Variants in SLC44A2 observed in about 807,000 individuals in gnomAD.
SLC44A2 encodes choline transporter-like protein 2.
Under a neutral mutation model 90.8 loss-of-function variants are expected in SLC44A2, and 57 were observed. The ratio of observed to expected loss-of-function variants is 0.63; its 90% CI spans 0.51 to 0.78. SLC44A2 has a LOEUF of 0.78. Among genes scored for constraint, SLC44A2 ranks in the 30% least tolerant of loss-of-function variants. The pLI, the probability that SLC44A2 is intolerant of heterozygous loss-of-function variation, is 0.00. For synonymous variants in SLC44A2, 355 were observed against 360.7 expected (o/e 0.98, Z 0.18); for missense variants, 794 against 919.7 (o/e 0.86, Z 1.77).
chr19:10,613,422 T>G (rs1237131839), intron 1 of SLC44A2, among the ~76,000 whole-genome samples: 1 of 152,044 alleles, frequency 6.6e-6, no homozygotes, highest in African/African-American at 2.4e-5. Context: ...GCTAATTTTT[T>G]GTATTTTTAG....
intron 1 of SLC44A2, among the ~76,000 whole-genome samples, chr19:10,617,265 AGTTCCCATCC>A (rs1471919433): frequency 1.3e-5 from 2 of 152,124 alleles, no homozygotes; most frequent in Admixed American, 1.3e-4. Context: ...AGATATAGCG[AGTTCCCATCC>A]TGCGGGGTTT....
intron 21 of SLC44A2, chr19:10,642,783 TTC>T: frequency 7.7e-7 from 1 of 1,300,590 alleles, no homozygotes; most frequent in South Asian, 1.5e-5. Flanking sequence ...TGTTTTTTTC[TTC>T]TCTCTTCCTC....
chr19:10,642,805 C>A (rs1433962338), intron 21 of SLC44A2: 10 of 1,426,002 alleles, frequency 7.0e-6, no homozygotes, highest in South Asian at 5.4e-5. Context: ...CTCCTCCATG[C>A]CTGCTGGCTT....
At chr19:10,642,504 C>G (rs1468740854) in intron 21 of SLC44A2, 53 bp downstream of exon 21, 11 of 1,521,452 alleles carry the variant, frequency 7.2e-6, no homozygotes, top group South Asian at 1.1e-5. Context: ...CTTCTTTCCA[C>G]TGGGCATCAC....
Position 10,643,298 on chromosome 19 carries a change from T to A in SLC44A2, c.2034T>A (p.Asn678Lys). 1 of 1,611,064 alleles carries A rather than the reference T, an allele frequency of 6.2e-7. No individual in the cohort carries two copies. Residue 678 changes from asparagine (N) to lysine (K), a missense_variant, in exon 22 of 22, where the codon AAT (asparagine) becomes AAA (lysine). Physicochemically the swap from Asn to Lys is moderately conservative, Grantham distance 94. Around this residue, in one of 3 missense-constraint regions of SLC44A2, gnomAD observed 44 missense variants for 43.9 expected, o/e 1.00. Transcript: ENST00000335757. ...CCACAGTGGAGGACCTGGAGAGGAA[T>A]GACGGCTCGGCCGAGAGGCCTTACT... ...FLCFLEDLER[N>K]DGSAERPYFM...
At chr19:10,608,756 TCTC>T (rs1918191692) in intron 1 of SLC44A2, among the ~76,000 whole-genome samples, 1 of 151,130 alleles carries the variant, frequency 6.6e-6, no homozygotes, top group Admixed American at 6.6e-5. Context: ...TTTAAGCAAT[TCTC>T]CTGCCTCAGC....
intron 10 of SLC44A2, among the ~76,000 whole-genome samples, chr19:10,632,818 A>C (rs1034652677): frequency 2.0e-5 from 3 of 151,456 alleles, no homozygotes; most frequent in African/African-American, 7.3e-5. Flanking sequence ...GATTACAGGC[A>C]TGCACCTCCA....
intron 1 of SLC44A2, among the ~76,000 whole-genome samples, chr19:10,609,505 T>G (rs1312060856): frequency 6.6e-6 from 1 of 152,000 alleles, no homozygotes; most frequent in Non-Finnish European, 1.5e-5. Context: ...TTGCCATGTT[T>G]GTCAGGCTGG....
At chr19:10,635,358 A>T in intron 13 of SLC44A2, 73 bp from the exon 14 acceptor site, 1 of 1,606,990 alleles carries the variant, frequency 6.2e-7, no homozygotes, top group Non-Finnish European at 8.5e-7. Context: ...AACTGGTGGG[A>T]GAATGGATTC....
intron 1 of SLC44A2, among the ~76,000 whole-genome samples, chr19:10,619,064 G>A (rs1034414260): frequency 6.8e-6 from 1 of 147,254 alleles, no homozygotes; most frequent in African/African-American, 2.5e-5. Flanking sequence ...TGAACCTCCT[G>A]GGCTGACGTG....
upstream of SLC44A2, among the ~76,000 whole-genome samples, chr19:10,623,230 C>T (rs545181238): frequency 6.6e-4 from 100 of 152,226 alleles, no homozygotes; most frequent in African/African-American, 2.3e-3. Flanking sequence ...CAGGGCATGA[C>T]CTGGCGCCTC....
intron 1 of SLC44A2, among the ~76,000 whole-genome samples, chr19:10,615,039 GT>G (rs909040686): frequency 0.014 from 1,889 of 137,582 alleles, 37 homozygotes; most frequent in African/African-American, 0.044. Flanking sequence ...AAGTAATTGC[GT>G]TTTTTTTTTT....
intron 1 of SLC44A2, among the ~76,000 whole-genome samples, chr19:10,616,122 A>C (rs1211310626): frequency 6.6e-6 from 1 of 151,452 alleles, no homozygotes. Context: ...CCTGGGTGAC[A>C]GTGAGACCCT....
At position 10,643,457 on chromosome 19, in the gene SLC44A2, G is replaced by C. The variant is rs1419999904; in HGVS notation, c.*72G>C. The C allele has an allele frequency of 2.0e-6, 3 of 1,526,360 alleles. No homozygotes were observed. Among genetic ancestry groups the C allele is most frequent in the Non-Finnish European group, 2.7e-6 (3 of 1,130,716 alleles). The allele number at this position is 1,526,360 out of a possible 1,614,324, so 94.6% of individuals were successfully genotyped here. A position where few individuals can be genotyped will look rare whatever the true frequency, so the allele number is the denominator to read the frequency against. ...CTCAGTAGCTGGGTCTGTTCCCCCAGCCCCTTGGGCTCACCTGAAGTCCTA... is the reference window on the plus strand; with the variant it reads ...CTCAGTAGCTGGGTCTGTTCCCCCACCCCCTTGGGCTCACCTGAAGTCCTA... On this transcript the variant is annotated 3_prime_UTR_variant, in exon 22 of 22. Coordinates refer to ENST00000335757, the MANE Select transcript of SLC44A2 (RefSeq NM_020428.4).
chr19:10,637,829 T>C (rs1161513966), intron 17 of SLC44A2, 27 bp from the exon 18 acceptor site: 8 of 1,613,808 alleles, frequency 5.0e-6, no homozygotes, highest in Admixed American at 1.7e-5. Flanking sequence ...CCAGTGGGTC[T>C]GATCTCTCCC....
intron 1 of SLC44A2, among the ~76,000 whole-genome samples, chr19:10,608,505 T>C (rs1198716183): frequency 6.6e-6 from 1 of 152,042 alleles, no homozygotes; most frequent in Non-Finnish European, 1.5e-5. Flanking sequence ...CCTAAATATA[T>C]GAGGCTGAAG....
chr19:10,631,020 A>T, intron 4 of SLC44A2, 37 bp from the exon 5 acceptor site: 1 of 1,543,716 alleles, frequency 6.5e-7, no homozygotes, highest in South Asian at 1.1e-5. Context: ...AAAAAAAAAA[A>T]TCTTAACAGT....
chr19:10,608,891 T>A (rs944709143), intron 1 of SLC44A2, among the ~76,000 whole-genome samples: 1 of 151,368 alleles, frequency 6.6e-6, no homozygotes, highest in Non-Finnish European at 1.5e-5. Flanking sequence ...GCTCAAGCTA[T>A]CCACGTGCTT....
chr19:10,606,085 C>T (rs1918097059), intron 1 of SLC44A2, among the ~76,000 whole-genome samples: 1 of 151,862 alleles, frequency 6.6e-6, no homozygotes, highest in Non-Finnish European at 1.5e-5. Context: ...ATCGCTTGAG[C>T]CCATGAGTTT....
Sources: gnomAD v4.1 joint callset for allele counts (sites outside exome capture counted in the v4.1 genomes callset) on GRCh38, gnomAD v4.1.1 for gene constraint, gnomAD v4.1.1 regional missense constraint, MANE v1.5 for transcripts, NCBI Gene and HGNC (gene_info 2026-07-23, HGNC 2026-07-21) for gene names.